The following INTS1 variants were observed in gnomAD, a reference collection of about 807,000 sequenced individuals.
The protein encoded by INTS1 is integrator complex subunit 1.
A neutral mutation model predicts 241.6 loss-of-function variants in INTS1; 137 were observed. The ratio of observed to expected loss-of-function variants is 0.57; its 90% CI spans 0.49 to 0.65. The LOEUF is 0.65. INTS1 is among the 30% of genes least tolerant of loss of function. INTS1 has a pLI of 0.00. For missense variants in INTS1, 3,073 were observed against 3,032.2 expected (o/e 1.01, Z -0.32); for synonymous variants, 1,692 against 1,337.8 (o/e 1.26, Z -5.78).
At chr7:1,476,986 G>C in intron 35 of INTS1, 68 bp from the exon 36 acceptor site, 1 of 1,537,234 alleles carries the variant, frequency 6.5e-7, no homozygotes, top group Admixed American at 1.9e-5. Context: ...GAAGTCAGCT[G>C]ACAGCTTCCC....
intron 24 of INTS1, 133 bp from the exon 25 acceptor site, chr7:1,484,303 G>A: frequency 1.1e-6 from 1 of 922,708 alleles, no homozygotes; most frequent in Non-Finnish European, 1.6e-6. Flanking sequence ...CCCTCACTCA[G>A]CCGCAGGCCG....
rs529667437 is a variant in INTS1, at chr7:1,499,464, G to A, written c.844+9C>T. The stretch of plus-strand genomic sequence containing the variant: ...ACACCCGCCCTCTCTGGCTGGCCGT[G>A]TGTCTCACCTGCACCCAGGTCGCCC... On this transcript the variant is annotated intron_variant, in intron 6 of 47. Transcript: ENST00000404767. 5 of 1,588,874 alleles carry A rather than the reference G, an allele frequency of 3.1e-6. No homozygotes were observed. Among genetic ancestry groups the A allele is most frequent in the East Asian group, 2.3e-5 (1 of 44,190 alleles).
At chr7:1,487,679 C>T in intron 19 of INTS1, 81 bp downstream of exon 19, 1 of 1,537,744 alleles carries the variant, frequency 6.5e-7, no homozygotes, top group East Asian at 2.3e-5. Flanking sequence ...TCCGCCTGCT[C>T]CTTCAGCCTC....
chr7:1,502,858 T>C lies in INTS1; in HGVS notation c.349+43A>G, dbSNP rs750983036. 2.1e-5 allele frequency: 33 copies of C among 1,605,494 alleles called. No individual in the cohort carries two copies. In the East Asian group the frequency reaches 5.1e-4, roughly 25 times the overall value. ...TTCCCTGAACACCTGATGGACGGCA[T>C]GAGCTGAGGGGTGTTCTCGGGGGAT... On this transcript the variant is annotated intron_variant, in intron 3 of 47. Coordinates refer to ENST00000404767, the MANE Select transcript of INTS1 (RefSeq NM_001080453.3).
At chr7:1,491,775 A>G (rs1027572432) in intron 16 of INTS1, among the ~76,000 whole-genome samples, 2 of 152,120 alleles carry the variant, frequency 1.3e-5, no homozygotes, top group Non-Finnish European at 2.9e-5. Flanking sequence ...GCACGTGCCT[A>G]TAGTCCCAGC....
chr7:1,479,221 C>G (rs554898350), intron 31 of INTS1, among the ~76,000 whole-genome samples: 3 of 152,222 alleles, frequency 2.0e-5, no homozygotes, highest in Admixed American at 2.0e-4. Context: ...TGCAAACAGG[C>G]GGACGCCGCA....
intron 25 of INTS1, 61 bp from the exon 26 acceptor site, chr7:1,483,914 G>A: frequency 1.3e-6 from 2 of 1,587,254 alleles, no homozygotes; most frequent in South Asian, 2.2e-5. Flanking sequence ...AGCGCCGAGG[G>A]TACCCAGCTG....
At chr7:1,496,077 C>A in intron 12 of INTS1, 79 bp downstream of exon 12, 1 of 1,117,056 alleles carries the variant, frequency 9.0e-7, no homozygotes, top group South Asian at 1.3e-5. Context: ...GGGGACAGTG[C>A]AGCCTCGGAG....
chr7:1,478,772 G>C lies in INTS1; in HGVS notation c.4443C>G (p.Leu1481=), dbSNP rs994440221. The change falls in exon 32 of 48, where the codon CTC becomes CTG. Residue 1481 remains leucine, a synonymous_variant. Coordinates refer to ENST00000404767, the MANE Select transcript of INTS1 (RefSeq NM_001080453.3). ...CTGAGGCCTGGCTGGCAAGCATCCT[G>C]AGCTGTGCCCGCAGGGGCCCGCCCT... The part of the protein sequence containing the change: ...GVEGGPLRAQ[L]RMLASQASAG... 6.2e-7 allele frequency: 1 copy of C among 1,602,436 alleles called. No homozygotes were observed. The highest frequency in any genetic ancestry group is 1.7e-5 in the Admixed American group (1 of 59,138).
At chr7:1,490,423 C>T (rs1185673225) in intron 16 of INTS1, among the ~76,000 whole-genome samples, 14 of 152,130 alleles carry the variant, frequency 9.2e-5, no homozygotes, top group African/African-American at 3.1e-4. Flanking sequence ...AACGGGAACC[C>T]CTGAAAGGGT....
At position 1,504,009 on chromosome 7, in the gene INTS1, G is replaced by T; in HGVS notation, c.-41-8C>A. The T allele has an allele frequency of 7.1e-7, 1 of 1,402,396 alleles. No homozygotes were observed. The highest frequency in any genetic ancestry group is 9.8e-7 in the Non-Finnish European group (1 of 1,024,468). 86.9% of individuals were successfully genotyped at this position (1,402,396 alleles called of 1,614,324 possible). A position where few individuals can be genotyped will look rare whatever the true frequency, so the allele number is the denominator to read the frequency against. ...CGGCGGCTGCGGCGTCACCTGCGGA[G>T]GAGCCAGCGTGCGGTCATTCCTTCA... is the stretch of plus-strand genomic sequence containing the variant. On this transcript the variant is annotated splice_region_variant and splice_polypyrimidine_tract_variant and intron_variant, in intron 1 of 47. Transcript: ENST00000404767.
chr7:1,504,006 G>A lies in INTS1; in HGVS notation c.-41-5C>T, dbSNP rs778041910. The A allele has an allele frequency of 1.5e-5, 22 of 1,419,648 alleles. No homozygotes were observed. Among genetic ancestry groups the A allele is most frequent in the Non-Finnish European group, 1.7e-5 (18 of 1,039,400 alleles). The allele number at this position is 1,419,648 out of a possible 1,614,324, so 87.9% of individuals were successfully genotyped here. A position where few individuals can be genotyped will look rare whatever the true frequency, so the allele number is the denominator to read the frequency against. On this transcript the variant is annotated splice_region_variant and splice_polypyrimidine_tract_variant and intron_variant, in intron 1 of 47. Transcript: ENST00000404767. ...TCCCGGCGGCTGCGGCGTCACCTGC[G>A]GAGGAGCCAGCGTGCGGTCATTCCT...
At position 1,472,278 on chromosome 7, in the gene INTS1, A is replaced by G; in HGVS notation, c.6179T>C (p.Val2060Ala). The change falls in exon 44 of 48, where the codon GTG (valine) becomes GCG (alanine). Residue 2060 changes from valine to alanine, a missense_variant. Transcript: ENST00000404767. ...YMKRLSRGQT[V>A]EDLLEVLSDI... ...TGAAGCAGGGCCTGACTCACCCTCC[A>G]CCGTTTGGCCCCGGGAAAGCCGTTT... is the stretch of plus-strand genomic sequence containing the variant. The G allele has an allele frequency of 6.4e-7, 1 of 1,551,890 alleles. No homozygotes were observed. Among genetic ancestry groups the G allele is most frequent in the Non-Finnish European group, 8.7e-7 (1 of 1,147,768 alleles).
chr7:1,494,911 A>C lies in INTS1; in HGVS notation c.1833-18T>G. ...TGTGCAGGCTGGGCAGGCAGAGAAG[A>C]GCCCTCAGTCATGATGTGGGTGCTC... On this transcript the variant is annotated intron_variant, in intron 13 of 47. Transcript: ENST00000404767. 6.4e-7 allele frequency: 1 copy of C among 1,553,052 alleles called. No individual in the cohort carries two copies. The highest frequency in any genetic ancestry group is 8.7e-7 in the Non-Finnish European group (1 of 1,149,164).
In INTS1 at chr7:1,487,410, T is replaced by C; in HGVS notation, c.2556A>G (p.Gln852=). ...GGAGGGACTGGTTGAGGCTTTTCACTTGATCCAGGATGTGAGGGGGAGGCC... is the reference window on the plus strand; with the variant it reads ...GGAGGGACTGGTTGAGGCTTTTCACCTGATCCAGGATGTGAGGGGGAGGCC... ...PRRPPPHILD[Q]VKSLNQSLRL... Residue 852 remains glutamine, a synonymous_variant, in exon 20 of 48, where the codon CAA becomes CAG. Coordinates refer to ENST00000404767, the MANE Select transcript of INTS1 (RefSeq NM_001080453.3). The C allele has an allele frequency of 6.2e-7, 1 of 1,612,134 alleles. No homozygotes were observed. Among genetic ancestry groups the C allele is most frequent in the Non-Finnish European group, 8.5e-7 (1 of 1,179,488 alleles).
At chr7:1,474,101 G>A in intron 41 of INTS1, 67 bp downstream of exon 41, 1 of 1,465,942 alleles carries the variant, frequency 6.8e-7, no homozygotes, top group Non-Finnish European at 9.0e-7. Flanking sequence ...GCGAGTGGGT[G>A]AGGCAGGCCT....
In INTS1 at chr7:1,493,917, G is replaced by T; in HGVS notation, c.1911-6C>A. On this transcript the variant is annotated splice_polypyrimidine_tract_variant and splice_region_variant and intron_variant, in intron 14 of 47. Transcript: ENST00000404767. The surrounding 1 kb of genome is among the most constrained non-coding windows in gnomAD (Gnocchi z 5.3). ...AGCACAGACGCAGGAAGAAGCTGCGGGGTGGGGGAGGCATGACTCGGTGTG... is the reference window on the plus strand; with the variant it reads ...AGCACAGACGCAGGAAGAAGCTGCGTGGTGGGGGAGGCATGACTCGGTGTG... 6.4e-7 allele frequency: 1 copy of T among 1,556,128 alleles called. No individual in the cohort carries two copies. The highest frequency in any genetic ancestry group is 1.7e-4 in the Middle Eastern group (1 of 5,964).
intron 2 of INTS1, among the ~76,000 whole-genome samples, chr7:1,503,408 C>T (rs1225578466): frequency 1.3e-5 from 2 of 152,172 alleles, no homozygotes; most frequent in Admixed American, 1.3e-4. Flanking sequence ...ACAAACCAGG[C>T]CATCTCTGGT....
chr7:1,501,814 C>G (rs1783194623), intron 3 of INTS1, among the ~76,000 whole-genome samples: 1 of 152,194 alleles, frequency 6.6e-6, no homozygotes, highest in African/African-American at 2.4e-5. Flanking sequence ...CTGAGTCCAG[C>G]ACAAACACTG....
Sources: allele counts gnomAD v4.1 joint callset (sites outside exome capture counted in the v4.1 genomes callset), GRCh38; gene constraint gnomAD v4.1.1; non-coding constraint Gnocchi (gnomAD v3.1); transcripts MANE v1.5; gene names NCBI Gene and HGNC (gene_info 2026-07-23, HGNC 2026-07-21).